The following CPQ variants were observed in gnomAD, a reference collection of about 807,000 sequenced individuals.
The protein encoded by CPQ is Ser-Met dipeptidase.
CPQ carries 37 observed loss-of-function variants against 45.7 expected under a neutral mutation model. The observed-to-expected ratio is 0.81, with a 90% CI of 0.62 to 1.07. The LOEUF (loss-of-function observed/expected upper bound fraction) is 1.07. Ranked by LOEUF, CPQ falls within the 50% of genes least tolerant of loss-of-function variation. The pLI, the probability that CPQ is intolerant of heterozygous loss-of-function variation, is 0.00. For synonymous variants in CPQ, 186 were observed against 205.8 expected (o/e 0.90, Z 0.82); for missense variants, 537 against 572.9 (o/e 0.94, Z 0.64).
intron 1 of CPQ, among the ~76,000 whole-genome samples, chr8:96,684,424 T>A (rs530387694): frequency 6.6e-6 from 1 of 152,284 alleles, no homozygotes; most frequent in East Asian, 1.9e-4. Flanking sequence ...ACCAGTGGTG[T>A]TGGTGAGGCA....
chr8:97,034,969 T>C (rs1809972376), intron 6 of CPQ, among the ~76,000 whole-genome samples: 1 of 150,902 alleles, frequency 6.6e-6, no homozygotes, highest in Admixed American at 6.6e-5. Flanking sequence ...CTCAGCTCAC[T>C]GCAACCTCCG....
Position 96,722,838 on chromosome 8 carries a change from C to T in CPQ, c.-34-62026C>T, listed in dbSNP as rs374653379. ...TCATCTATTTTCTTGATTTCCCTGGCGCAGGAAGAGGAAGCTAGAGGGCCT... is the reference window on the plus strand; with the variant it reads ...TCATCTATTTTCTTGATTTCCCTGGTGCAGGAAGAGGAAGCTAGAGGGCCT... On this transcript the variant is annotated intron_variant, in intron 1 of 7. Transcript: ENST00000220763. 5.0e-4 allele frequency among the ~76,000 whole-genome samples: 76 copies of T among 152,148 alleles called. 1 individual carries two copies. Among genetic ancestry groups the T allele is most frequent in the African/African-American group, 1.7e-3 (72 of 41,508 alleles).
At chr8:96,727,211 G>C (rs931901845) in intron 1 of CPQ, among the ~76,000 whole-genome samples, 11 of 152,030 alleles carry the variant, frequency 7.2e-5, no homozygotes, top group African/African-American at 2.7e-4. Flanking sequence ...TCATTTTCTA[G>C]CCCTTTAGCC....
At chr8:96,964,715 G>A (rs1813526273) in intron 4 of CPQ, among the ~76,000 whole-genome samples, 1 of 151,962 alleles carries the variant, frequency 6.6e-6, no homozygotes, top group African/African-American at 2.4e-5. Context: ...AACTCAAAAT[G>A]TAATTTATTA....
chr8:96,741,977 G>A (rs540026119), intron 1 of CPQ, among the ~76,000 whole-genome samples: 6,015 of 144,340 alleles, frequency 0.042, 163 homozygotes, highest in Middle Eastern at 0.1. Flanking sequence ...GAGTTCTGTA[G>A]ATGTCTATTA....
Position 96,835,165 on chromosome 8 carries a change from C to T in CPQ, c.626C>T (p.Ser209Phe), listed in dbSNP as rs776844810. 9 of 1,502,640 alleles carry T rather than the reference C, an allele frequency of 6.0e-6. No homozygotes were observed. The African/African-American group carries it at 1.1e-4, about 19-fold the overall frequency. The allele number at this position is 1,502,640 out of a possible 1,614,324, so 93.1% of individuals were successfully genotyped here. A position where few individuals can be genotyped will look rare whatever the true frequency, so the allele number is the denominator to read the frequency against. The change falls in exon 3 of 8, where the codon TCC becomes TTC. Residue 209 changes from serine (S) to phenylalanine (F), a missense_variant. By Grantham distance (155) the Ser-to-Phe change is radical. Coordinates refer to ENST00000220763, the MANE Select transcript of CPQ (RefSeq NM_016134.4). ...ALASLIRSVA[S>F]FSIYSPHTGI... ...GCATCTCTCATTCGATCCGTGGCCT[C>T]CTTCTCCATCTACAGGTTTGTCACA...
chr8:96,818,091 A>G lies in CPQ; in HGVS notation c.434-16882A>G, dbSNP rs934204180. On this transcript the variant is annotated intron_variant, in intron 2 of 7. Transcript: ENST00000220763. ...AATGTGTGACTCCTTTCACATGAAC[A>G]CTAAGAGGCCATCGTAGGTTATTAA... 7.9e-5 allele frequency among the ~76,000 whole-genome samples: 12 copies of G among 152,062 alleles called. 1 individual carries two copies. In the South Asian group the frequency reaches 1.7e-3, roughly 21 times the overall value.
intron 4 of CPQ, among the ~76,000 whole-genome samples, chr8:96,964,344 C>T (rs1028846662): frequency 6.6e-6 from 1 of 151,944 alleles, no homozygotes; most frequent in South Asian, 2.1e-4. Context: ...ACAAGAGTTC[C>T]AGTTGCTCTA....
intron 4 of CPQ, among the ~76,000 whole-genome samples, chr8:96,894,098 A>G (rs1327677622): frequency 6.6e-6 from 1 of 152,148 alleles, no homozygotes; most frequent in Non-Finnish European, 1.5e-5. Flanking sequence ...CCAGGTGGTA[A>G]GACACTGACT....
At position 96,937,164 on chromosome 8, in the gene CPQ, T is replaced by C. The variant is rs147732485; in HGVS notation, c.850-28771T>C. On this transcript the variant is annotated intron_variant, in intron 4 of 7. Coordinates refer to ENST00000220763, the MANE Select transcript of CPQ (RefSeq NM_016134.4). Reference sequence around the variant, plus strand: ...CACAAGTAAATGGGCAATTTCAATATAGTATAATAAATATTATGATAGAGG... The same window carrying C: ...CACAAGTAAATGGGCAATTTCAATACAGTATAATAAATATTATGATAGAGG... Among the ~76,000 whole-genome samples, 181 of 152,220 alleles carry C rather than the reference T, an allele frequency of 1.2e-3. 2 individuals are homozygous for C. In the East Asian group the frequency reaches 0.028, roughly 24 times the overall value.
intron 4 of CPQ, among the ~76,000 whole-genome samples, chr8:96,962,769 A>G (rs1275923736): frequency 1.3e-5 from 2 of 152,228 alleles, no homozygotes; most frequent in African/African-American, 4.8e-5. Context: ...TGTATGCAGA[A>G]GCTCATATAT....
At chr8:96,813,826 C>T (rs1811188650) in intron 2 of CPQ, among the ~76,000 whole-genome samples, 1 of 152,070 alleles carries the variant, frequency 6.6e-6, no homozygotes, top group Non-Finnish European at 1.5e-5. Flanking sequence ...CTGGGTAGGG[C>T]AGAGCCTATA....
intron 4 of CPQ, among the ~76,000 whole-genome samples, chr8:96,931,647 A>G (rs924470884): frequency 2.0e-5 from 3 of 152,040 alleles, no homozygotes; most frequent in African/African-American, 7.2e-5. Flanking sequence ...TTCCCTAAAC[A>G]CCTGCAGCCA....
intron 4 of CPQ, among the ~76,000 whole-genome samples, chr8:96,954,004 T>C (rs774468344): frequency 6.6e-6 from 1 of 152,296 alleles, no homozygotes; most frequent in Non-Finnish European, 1.5e-5. Context: ...AAGGTATTGA[T>C]GGAAATGTTA....
intron 1 of CPQ, among the ~76,000 whole-genome samples, chr8:96,695,672 C>CA (rs1387103067): frequency 1.3e-5 from 2 of 151,830 alleles, no homozygotes; most frequent in East Asian, 3.9e-4. Flanking sequence ...TTTATGCAGC[C>CA]AAAAAACACA....
chr8:97,001,701 TTTTCTTTC>T (rs1324669582), intron 5 of CPQ, among the ~76,000 whole-genome samples: 2 of 149,684 alleles, frequency 1.3e-5, no homozygotes, highest in Non-Finnish European at 1.5e-5. Context: ...TGGCCTGAAG[TTTTCTTTC>T]TTTCTTTCTT....
chr8:97,040,005 G>A (rs1296490745), intron 6 of CPQ, among the ~76,000 whole-genome samples: 1 of 151,830 alleles, frequency 6.6e-6, no homozygotes, highest in Non-Finnish European at 1.5e-5. Context: ...CCCAGTAATG[G>A]GATGGCTGGG....
intron 1 of CPQ, among the ~76,000 whole-genome samples, chr8:96,763,026 C>T (rs1701514331): frequency 6.6e-6 from 1 of 151,954 alleles, no homozygotes; most frequent in Non-Finnish European, 1.5e-5. Context: ...TCTTCTGAGG[C>T]CTCTCTTCTT....
In CPQ at chr8:96,895,050, G is replaced by A. The variant is rs1022202194; in HGVS notation, c.849+15045G>A. On this transcript the variant is annotated intron_variant, in intron 4 of 7. Transcript: ENST00000220763. ...ACTGACTATTTATTGAGTGCCGTCC[G>A]TGTGTTACCCACTGTGATAGGCCCA... Among the ~76,000 whole-genome samples the A allele has an allele frequency of 9.2e-5, 14 of 152,220 alleles. No homozygotes were observed. In the South Asian group the frequency reaches 1.7e-3, roughly 18 times the overall value.
Sources: allele counts gnomAD v4.1 joint callset (sites outside exome capture counted in the v4.1 genomes callset), GRCh38; gene constraint gnomAD v4.1.1; transcripts MANE v1.5; gene names NCBI Gene and HGNC (gene_info 2026-07-23, HGNC 2026-07-21).